SSH2: variants seen among roughly 807,000 people sequenced by gnomAD.
The protein encoded by SSH2 is protein phosphatase Slingshot homolog 2.
In SSH2, 37 loss-of-function variants were observed where a neutral mutation model predicts 135.2. That is an observed-to-expected ratio of 0.27 (90% confidence interval 0.21 to 0.36). The LOEUF (loss-of-function observed/expected upper bound fraction) is 0.36, where lower values mean the gene tolerates loss of function less well. Among genes scored for constraint, SSH2 ranks in the 10% least tolerant of loss-of-function variants. The pLI, the probability that SSH2 is intolerant of heterozygous loss-of-function variation, is 1.00. For synonymous variants in SSH2, 628 were observed against 646.2 expected, an observed-to-expected ratio of 0.97 and a Z score of 0.43; for missense variants, 1,408 against 1,765.3, an observed-to-expected ratio of 0.80 and a Z score of 3.63.
chr17:29,691,993 A>C (rs2038501124), intron 5 of SSH2, among the ~76,000 whole-genome samples: 1 of 151,458 alleles, frequency 6.6e-6, no homozygotes, highest in African/African-American at 2.4e-5. Flanking sequence ...ACAAAAAATT[A>C]GCCGGGTATG....
At chr17:29,681,925 G>A (rs956499809) in intron 6 of SSH2, among the ~76,000 whole-genome samples, 1 of 152,142 alleles carries the variant, frequency 6.6e-6, no homozygotes, top group African/African-American at 2.4e-5. Flanking sequence ...TAAAGCAGAG[G>A]ATGTATGGGA....
chr17:29,835,698 G>GTAATTTAT (rs1214277979), intron 2 of SSH2, among the ~76,000 whole-genome samples: 1 of 152,214 alleles, frequency 6.6e-6, no homozygotes, highest in Admixed American at 6.5e-5. Context: ...CTTTGGAGCT[G>GTAATTTAT]TGTCTCTCTC....
chr17:29,796,874 A>G (rs938337731), intron 2 of SSH2, among the ~76,000 whole-genome samples: 1 of 150,126 alleles, frequency 6.7e-6, no homozygotes, highest in African/African-American at 2.5e-5. Context: ...GTGCAGTAGC[A>G]TTATCACAGC....
At chr17:29,919,823 G>A (rs1046903093) in intron 1 of SSH2, among the ~76,000 whole-genome samples, 1 of 151,834 alleles carries the variant, frequency 6.6e-6, no homozygotes, top group Non-Finnish European at 1.5e-5. Flanking sequence ...AGCTTCAAAA[G>A]GCTAGGCACT....
At chr17:29,634,521 G>C (rs577556527) in intron 15 of SSH2, among the ~76,000 whole-genome samples, 1 of 151,484 alleles carries the variant, frequency 6.6e-6, no homozygotes, top group African/African-American at 2.4e-5. Flanking sequence ...GATTCTGTCT[G>C]CTGGCAAATT....
chr17:29,698,510 G>T (rs2321331), intron 4 of SSH2, among the ~76,000 whole-genome samples: 60,662 of 151,818 alleles, frequency 0.4, 14,611 homozygotes, highest in East Asian at 0.69. Flanking sequence ...TCTTGAGACA[G>T]GGTCTTACTC....
intron 2 of SSH2, among the ~76,000 whole-genome samples, 176 bp downstream of exon 2, chr17:29,848,673 A>C (rs1270640238): frequency 6.6e-6 from 1 of 152,154 alleles, no homozygotes; most frequent in Non-Finnish European, 1.5e-5. Context: ...AATGTACCAT[A>C]CTGTTTATAT....
intron 1 of SSH2, among the ~76,000 whole-genome samples, chr17:29,895,075 C>T (rs1313707219): frequency 2.6e-5 from 4 of 151,000 alleles, no homozygotes; most frequent in South Asian, 2.1e-4. Flanking sequence ...TGTATTTCTA[C>T]AAATGGCTAT....
At chr17:29,712,582 T>C (rs781334514) in intron 3 of SSH2, among the ~76,000 whole-genome samples, 7 of 152,174 alleles carry the variant, frequency 4.6e-5, no homozygotes, top group Non-Finnish European at 7.3e-5. Context: ...GGTGGGTGGA[T>C]CACTTGAGGT....
At chr17:29,835,659 C>T (rs1291066258) in intron 2 of SSH2, among the ~76,000 whole-genome samples, 1 of 152,180 alleles carries the variant, frequency 6.6e-6, no homozygotes, top group Non-Finnish European at 1.5e-5. Flanking sequence ...GCAAATGCAC[C>T]TAGTGCAGCT....
chr17:29,722,788 T>C (rs991879029), intron 3 of SSH2, among the ~76,000 whole-genome samples: 2 of 152,226 alleles, frequency 1.3e-5, no homozygotes, highest in African/African-American at 4.8e-5. Context: ...CACAGATGGT[T>C]TGCGTAAGCT....
intron 8 of SSH2, among the ~76,000 whole-genome samples, chr17:29,674,504 C>G (rs2037624193): frequency 6.6e-6 from 1 of 152,226 alleles, no homozygotes; most frequent in Admixed American, 6.5e-5. Context: ...GATACTCCAG[C>G]TGCATCAGAG....
intron 3 of SSH2, among the ~76,000 whole-genome samples, chr17:29,717,616 T>C (rs748927865): frequency 6.6e-6 from 1 of 152,234 alleles, no homozygotes; most frequent in Non-Finnish European, 1.5e-5. Context: ...GGAGTGCTGC[T>C]GTGTATACTT....
chr17:29,860,494 A>G lies in SSH2; in HGVS notation c.64-11565T>C, dbSNP rs1257059872. The stretch of plus-strand genomic sequence containing the variant: ...CTCACTCTATCACCCAGGATGGAGT[A>G]CAGTGGTGCAATCTCAGCTCATTGC... On this transcript the variant is annotated intron_variant, in intron 1 of 15. Coordinates refer to ENST00000540801, the MANE Select transcript of SSH2 (RefSeq NM_001282129.2). Among the ~76,000 whole-genome samples, 3 of 130,954 alleles carry G rather than the reference A, an allele frequency of 2.3e-5. No homozygotes were observed. In the East Asian group the frequency reaches 7.0e-4, roughly 31 times the overall value. The allele number at this position is 130,954 out of a possible 152,430, so 85.9% of individuals were successfully genotyped here.
At chr17:29,634,984 T>C (rs2035838055) in intron 15 of SSH2, among the ~76,000 whole-genome samples, 1 of 151,094 alleles carries the variant, frequency 6.6e-6, no homozygotes, top group Admixed American at 6.6e-5. Flanking sequence ...CTCACTGCAA[T>C]CTCTGTCTCC....
chr17:29,830,431 A>G (rs2151359960), intron 2 of SSH2, among the ~76,000 whole-genome samples: 1 of 152,228 alleles, frequency 6.6e-6, no homozygotes, highest in South Asian at 2.1e-4. Flanking sequence ...TTTTCCCCCA[A>G]GCCAGGTTAG....
At chr17:29,760,402 C>T (rs1188883335) in intron 3 of SSH2, among the ~76,000 whole-genome samples, 2 of 152,098 alleles carry the variant, frequency 1.3e-5, no homozygotes, top group African/African-American at 4.8e-5. Context: ...AAGGATGGAA[C>T]CTGAATAGGA....
chr17:29,794,221 C>T (rs2042120394), intron 2 of SSH2, among the ~76,000 whole-genome samples: 1 of 152,136 alleles, frequency 6.6e-6, no homozygotes, highest in Non-Finnish European at 1.5e-5. Flanking sequence ...ACCAACTAAA[C>T]ATGTTATTTT....
Position 29,631,564 on chromosome 17 carries a change from G to C in SSH2, c.3630C>G (p.Ser1210Arg). 6.2e-7 allele frequency: 1 copy of C among 1,614,086 alleles called. No homozygotes were observed. The highest frequency in any genetic ancestry group is 1.1e-5 in the South Asian group (1 of 91,066). Residue 1210 changes from serine to arginine, a missense_variant, in exon 16 of 16, where the codon AGC (serine) becomes AGG (arginine). This residue lies in a region of SSH2 where 1,080 missense variants were observed against 1,144.5 expected (regional missense o/e 0.94). Coordinates refer to ENST00000540801, the MANE Select transcript of SSH2 (RefSeq NM_001282129.2). ...GTTTGCTAATTAAACTTAGGTCTGC[G>C]CTACTTAGCTGGGAGTCCTTATATG... ...EVPYKDSQLS[S>R]ADLSLISKLG...
Sources: gnomAD v4.1 joint callset for allele counts (sites outside exome capture counted in the v4.1 genomes callset) on GRCh38, gnomAD v4.1.1 for gene constraint, gnomAD v4.1.1 regional missense constraint, MANE v1.5 for transcripts, NCBI Gene and HGNC (gene_info 2026-07-23, HGNC 2026-07-21) for gene names.